The following AUTS2 variants were observed in gnomAD, a reference collection of about 807,000 sequenced individuals.
AUTS2 encodes activator of transcription and developmental regulator AUTS2, also known as autism susceptibility gene 2 protein.
AUTS2 carries 17 observed loss-of-function variants against 112.4 expected under a neutral mutation model. The ratio of observed to expected loss-of-function variants is 0.15; its 90% CI spans 0.10 to 0.23. The LOEUF (loss-of-function observed/expected upper bound fraction) is 0.23. Ranked by LOEUF, AUTS2 falls within the 10% of genes least tolerant of loss-of-function variation. The probability of loss-of-function intolerance (pLI) is 1.00; values close to 1 mark genes in which losing one functional copy is unlikely to be tolerated. For missense variants in AUTS2, 1,510 were observed against 1,701.6 expected (o/e 0.89, Z 1.98); for synonymous variants, 751 against 702.7 (o/e 1.07, Z -1.09).
At chr7:69,983,239 A>G (rs1448720074) in intron 2 of AUTS2, among the ~76,000 whole-genome samples, 2 of 151,500 alleles carry the variant, frequency 1.3e-5, no homozygotes, top group African/African-American at 2.4e-5. Flanking sequence ...TCCTTTTTGT[A>G]CTCATGATTC....
chr7:70,129,520 C>G (rs1418061162), intron 3 of AUTS2, among the ~76,000 whole-genome samples: 1 of 152,174 alleles, frequency 6.6e-6, no homozygotes, highest in Admixed American at 6.5e-5. Flanking sequence ...AATTGACCAC[C>G]ACAATCACAC....
chr7:70,241,429 A>G (rs757423667), intron 4 of AUTS2, among the ~76,000 whole-genome samples: 4 of 152,222 alleles, frequency 2.6e-5, no homozygotes, highest in Non-Finnish European at 5.9e-5. Context: ...GTAGCTATAT[A>G]TAAATGTTCT....
Position 70,631,428 on chromosome 7 carries a change from G to A in AUTS2, c.691-67141G>A, listed in dbSNP as rs938240128. ...TGCTGCTCTGTGCGGGAAGAGGCTC[G>A]TTTCAGAGGAAGCGTCCAATGGGCC... On this transcript the variant is annotated intron_variant, in intron 5 of 18. Coordinates refer to ENST00000342771, the MANE Select transcript of AUTS2 (RefSeq NM_015570.4). The surrounding 1 kb of genome is among the most constrained non-coding windows in gnomAD (Gnocchi z 4.5). Among the ~76,000 whole-genome samples, 3 of 152,174 alleles carry A rather than the reference G, an allele frequency of 2.0e-5. No individual in the cohort carries two copies. Among genetic ancestry groups the A allele is most frequent in the African/African-American group, 2.4e-5 (1 of 41,444 alleles).
At chr7:70,058,199 A>G (rs781757810) in intron 2 of AUTS2, among the ~76,000 whole-genome samples, 9 of 152,194 alleles carry the variant, frequency 5.9e-5, no homozygotes, top group African/African-American at 1.2e-4. Flanking sequence ...TTTGAGAAGT[A>G]TATTCTAAAA....
At chr7:70,497,827 G>C (rs1005219544) in intron 5 of AUTS2, among the ~76,000 whole-genome samples, 1 of 152,160 alleles carries the variant, frequency 6.6e-6, no homozygotes, top group Non-Finnish European at 1.5e-5. Context: ...TCCTGGGACA[G>C]GGTCTCAGAC....
At chr7:70,174,696 C>G (rs1334049485) in intron 4 of AUTS2, among the ~76,000 whole-genome samples, 1 of 152,140 alleles carries the variant, frequency 6.6e-6, no homozygotes, top group African/African-American at 2.4e-5. Flanking sequence ...CAAATCTGCC[C>G]TGTGCTCTAG....
chr7:70,577,409 C>A (rs1802216419), intron 5 of AUTS2, among the ~76,000 whole-genome samples: 1 of 152,214 alleles, frequency 6.6e-6, no homozygotes, highest in African/African-American at 2.4e-5. Flanking sequence ...AAATCCTCCC[C>A]CCTCCCTGTT....
intron 2 of AUTS2, among the ~76,000 whole-genome samples, chr7:70,065,326 G>A (rs998594431): frequency 1.6e-4 from 24 of 152,062 alleles, no homozygotes; most frequent in Admixed American, 7.9e-4. Flanking sequence ...TCATCTACCA[G>A]AATTCAAGGA....
intron 1 of AUTS2, among the ~76,000 whole-genome samples, chr7:69,616,468 G>A (rs906031457): frequency 6.6e-6 from 1 of 152,122 alleles, no homozygotes; most frequent in Non-Finnish European, 1.5e-5. Context: ...ATAGAGCCTG[G>A]AAAGAGACCA....
intron 4 of AUTS2, among the ~76,000 whole-genome samples, chr7:70,186,289 A>G (rs1809600342): frequency 6.6e-6 from 1 of 152,188 alleles, no homozygotes; most frequent in African/African-American, 2.4e-5. Flanking sequence ...TAGAAGCCAC[A>G]CAGGAGGCAG....
At chr7:69,852,151 C>G (rs1305956694) in intron 1 of AUTS2, among the ~76,000 whole-genome samples, 1 of 152,060 alleles carries the variant, frequency 6.6e-6, no homozygotes, top group East Asian at 1.9e-4. Context: ...AAATTCCTTT[C>G]TATTCTTGGT....
rs1369948699 is a variant in AUTS2 at position 70,787,216 on chromosome 7, C to G, written c.2316C>G (p.Asn772Lys). The G allele has an allele frequency of 1.2e-6, 2 of 1,614,218 alleles. No homozygotes were observed. Among genetic ancestry groups the G allele is most frequent in the East Asian group, 4.5e-5 (2 of 44,874 alleles). The change falls in exon 18 of 19, where the codon AAC becomes AAG. Residue 772 changes from asparagine to lysine, a missense_variant. Coordinates refer to ENST00000342771, the MANE Select transcript of AUTS2 (RefSeq NM_015570.4). ...TCCACTTCACCATTTCAGCACCCAACTCAATGTTCGGCCACAAGGATGGCC... is the reference window on the plus strand; with the variant it reads ...TCCACTTCACCATTTCAGCACCCAAGTCAATGTTCGGCCACAAGGATGGCC... ...GGLGNPSVTP[N>K]SMFGHKDGPS...
chr7:70,370,067 T>G (rs1792769659), intron 4 of AUTS2, among the ~76,000 whole-genome samples: 1 of 152,168 alleles, frequency 6.6e-6, no homozygotes, highest in Admixed American at 6.5e-5. Context: ...AAGTCAGACA[T>G]AACCCTGCCC....
At chr7:69,696,064 T>G (rs1584088962) in intron 1 of AUTS2, among the ~76,000 whole-genome samples, 2 of 152,238 alleles carry the variant, frequency 1.3e-5, no homozygotes, top group Admixed American at 1.3e-4. Flanking sequence ...TCGTGGCTAG[T>G]GAAGCACATG....
At chr7:70,670,251 G>A (rs1318013666) in intron 5 of AUTS2, among the ~76,000 whole-genome samples, 1 of 152,116 alleles carries the variant, frequency 6.6e-6, no homozygotes, top group Non-Finnish European at 1.5e-5. Context: ...CACACCAAGA[G>A]CCTAGGTGGG....
intron 4 of AUTS2, among the ~76,000 whole-genome samples, chr7:70,211,092 T>C (rs947590552): frequency 1.3e-5 from 2 of 152,162 alleles, no homozygotes; most frequent in Admixed American, 6.5e-5. Context: ...GTGTGTCTTA[T>C]GTGTCTATTT....
intron 11 of AUTS2, among the ~76,000 whole-genome samples, chr7:70,772,855 C>T (rs565901184): frequency 8.5e-5 from 13 of 152,358 alleles, no homozygotes; most frequent in East Asian, 3.9e-4. Flanking sequence ...CACCTCACTA[C>T]TCCCTCAGAC....
In AUTS2 at chr7:70,525,397, C is replaced by G. The variant is rs116934798; in HGVS notation, c.690+89616C>G. On this transcript the variant is annotated intron_variant, in intron 5 of 18. Transcript: ENST00000342771. ...TCATGCCTTGCCCATTGAAGGGACT[C>G]AATGTATATTTGTTGAATGAATGAA... Among the ~76,000 whole-genome samples the G allele has an allele frequency of 4.0e-3, 592 of 148,204 alleles. 1 individual carries two copies. The highest frequency in any genetic ancestry group is 0.021 in the Middle Eastern group (6 of 288).
chr7:70,295,533 A>G (rs1788894781), intron 4 of AUTS2, among the ~76,000 whole-genome samples: 1 of 151,982 alleles, frequency 6.6e-6, no homozygotes, highest in African/African-American at 2.4e-5. Flanking sequence ...CTTAGTTTTC[A>G]TCCTGAATAC....
Sources: gnomAD v4.1 joint callset for allele counts (sites outside exome capture counted in the v4.1 genomes callset) on GRCh38, gnomAD v4.1.1 for gene constraint, Gnocchi (gnomAD v3.1) non-coding constraint, MANE v1.5 for transcripts, NCBI Gene and HGNC (gene_info 2026-07-23, HGNC 2026-07-21) for gene names.